Variants in MECOM observed in about 807,000 individuals in gnomAD.
MECOM encodes the protein MDS1 and EVI1 complex locus, also known as histone-lysine N-methyltransferase MECOM.
In MECOM, 13 loss-of-function variants were observed where a neutral mutation model predicts 116.3. That is an observed-to-expected ratio of 0.11 (90% CI 0.07 to 0.18). MECOM has a LOEUF of 0.18. Ranked by LOEUF, MECOM falls within the 10% of genes least tolerant of loss-of-function variation. The pLI is 1.00. For synonymous variants in MECOM, 528 were observed against 535.2 expected (o/e 0.99, Z 0.19); for missense variants, 1,299 against 1,509.0 (o/e 0.86, Z 2.31).
chr3:169,441,437 T>C (rs1439571181), intron 1 of MECOM, among the ~76,000 whole-genome samples: 1 of 152,198 alleles, frequency 6.6e-6, no homozygotes, highest in Non-Finnish European at 1.5e-5. Flanking sequence ...CACTGACATA[T>C]ACTAGTAAGC....
chr3:169,212,382 T>C (rs1380759013), intron 2 of MECOM, among the ~76,000 whole-genome samples: 1 of 151,086 alleles, frequency 6.6e-6, no homozygotes, highest in Non-Finnish European at 1.5e-5. Flanking sequence ...TGAATAGCTC[T>C]ACCATACTCC....
At chr3:169,512,398 C>T (rs1756085157) in intron 1 of MECOM, among the ~76,000 whole-genome samples, 1 of 152,218 alleles carries the variant, frequency 6.6e-6, no homozygotes, top group African/African-American at 2.4e-5. Context: ...ACATCTCTTT[C>T]TTCCTCATCT....
intron 1 of MECOM, among the ~76,000 whole-genome samples, chr3:169,608,885 A>C (rs1391217001): frequency 6.6e-6 from 1 of 152,212 alleles, no homozygotes; most frequent in African/African-American, 2.4e-5. Context: ...GTAAATGAGT[A>C]ATAGATTTTT....
chr3:169,434,926 A>G (rs771216057), intron 1 of MECOM, among the ~76,000 whole-genome samples: 11 of 152,200 alleles, frequency 7.2e-5, no homozygotes, highest in Non-Finnish European at 7.4e-5. Flanking sequence ...CCTGACCACT[A>G]TAATTCTTGG....
intron 1 of MECOM, among the ~76,000 whole-genome samples, chr3:169,657,912 C>T (rs1775728434): frequency 6.6e-6 from 1 of 152,122 alleles, no homozygotes; most frequent in African/African-American, 2.4e-5. Flanking sequence ...GAGGATAATA[C>T]CAATCTGTGT....
intron 2 of MECOM, among the ~76,000 whole-genome samples, chr3:169,213,659 C>A (rs916979246): frequency 6.6e-6 from 1 of 152,118 alleles, no homozygotes; most frequent in Non-Finnish European, 1.5e-5. Context: ...ACAAACCTAG[C>A]TGGCCCTTAA....
At chr3:169,231,196 T>C (rs910964294) in intron 2 of MECOM, among the ~76,000 whole-genome samples, 1 of 152,192 alleles carries the variant, frequency 6.6e-6, no homozygotes, top group Admixed American at 6.5e-5. Context: ...ATTGGAAGCT[T>C]CTCAAATGTA....
chr3:169,426,790 A>T (rs373254118), intron 1 of MECOM, among the ~76,000 whole-genome samples: 1 of 152,214 alleles, frequency 6.6e-6, no homozygotes. Context: ...TCCAAATGCA[A>T]AATCATAAAA....
chr3:169,201,436 T>A (rs1749140073), intron 2 of MECOM, among the ~76,000 whole-genome samples: 1 of 152,010 alleles, frequency 6.6e-6, no homozygotes, highest in African/African-American at 2.4e-5. Context: ...CTAGGTAGGG[T>A]CAGGTTTTTT....
At chr3:169,605,996 C>T (rs914823064) in intron 1 of MECOM, among the ~76,000 whole-genome samples, 14 of 152,092 alleles carry the variant, frequency 9.2e-5, no homozygotes, top group Non-Finnish European at 4.4e-5. Flanking sequence ...ATTTTCCAAG[C>T]AGGTGAAAGT....
chr3:169,408,401 C>T (rs547793429), intron 1 of MECOM, among the ~76,000 whole-genome samples: 65 of 152,306 alleles, frequency 4.3e-4, no homozygotes, highest in Non-Finnish European at 8.7e-4. Flanking sequence ...TAAATAGCAA[C>T]CCAGTCCCAC....
Position 169,642,799 on chromosome 3 carries a change from C to CAA in MECOM, c.37+20535_37+20536dup, listed in dbSNP as rs34198855. On this transcript the variant is annotated intron_variant, in intron 1 of 16. Transcript: ENST00000651503. ...CCCCTACTTCATCCTGCCAACCTAT[C>CAA]AAAAAAAAAAAATCAGTAAGTCTCC... is the stretch of plus-strand genomic sequence containing the variant. 1.2e-3 allele frequency among the ~76,000 whole-genome samples: 172 copies of CAA among 147,068 alleles called. 4 individuals carry two copies. In the South Asian group the frequency reaches 0.033, roughly 29 times the overall value.
At chr3:169,630,257 G>T (rs937940311) in intron 1 of MECOM, among the ~76,000 whole-genome samples, 1 of 152,072 alleles carries the variant, frequency 6.6e-6, no homozygotes, top group Non-Finnish European at 1.5e-5. Context: ...TTTGCTTATG[G>T]CACAGGCACA....
chr3:169,396,570 T>C (rs553914914), intron 1 of MECOM, among the ~76,000 whole-genome samples: 6 of 152,354 alleles, frequency 3.9e-5, no homozygotes, highest in African/African-American at 1.4e-4. Context: ...CTGTTTTGTT[T>C]TACCTGCTTT....
At chr3:169,246,582 G>A (rs958879412) in intron 2 of MECOM, among the ~76,000 whole-genome samples, 8 of 146,168 alleles carry the variant, frequency 5.5e-5, no homozygotes, top group African/African-American at 2.1e-4. Flanking sequence ...AGGCTGGAGT[G>A]CGGTGGCACG....
chr3:169,178,992 C>T (rs1024627277), intron 2 of MECOM, among the ~76,000 whole-genome samples: 2 of 152,068 alleles, frequency 1.3e-5, no homozygotes, highest in Non-Finnish European at 2.9e-5. Context: ...ATACTACGCC[C>T]ACAATATTTA....
At chr3:169,351,265 T>C (rs1244029728) in intron 2 of MECOM, among the ~76,000 whole-genome samples, 9 of 151,844 alleles carry the variant, frequency 5.9e-5, no homozygotes, top group Non-Finnish European at 1.3e-4. Flanking sequence ...TCTTAACATA[T>C]TTTTGTCAAT....
chr3:169,454,924 T>C (rs1452169611), intron 1 of MECOM, among the ~76,000 whole-genome samples: 3 of 152,200 alleles, frequency 2.0e-5, no homozygotes, highest in Non-Finnish European at 2.9e-5. Flanking sequence ...ATTTAATGCT[T>C]GCCAGTAACC....
chr3:169,663,070 AC>A (rs1413195571), intron 1 of MECOM, among the ~76,000 whole-genome samples: 1 of 21,710 alleles, frequency 4.6e-5, no homozygotes, highest in African/African-American at 1.8e-4. Flanking sequence ...CCCCACCCCC[AC>A]CCCCACCCCG....
Sources: allele counts gnomAD v4.1 joint callset (sites outside exome capture counted in the v4.1 genomes callset), GRCh38; gene constraint gnomAD v4.1.1; transcripts MANE v1.5; gene names NCBI Gene and HGNC (gene_info 2026-07-23, HGNC 2026-07-21).